Variants in TTLL6 observed in about 807,000 individuals in gnomAD.
TTLL6 encodes tubulin polyglutamylase TTLL6.
A neutral mutation model predicts 96.4 loss-of-function variants in TTLL6; 75 were observed. The observed-to-expected ratio is 0.78, with a 90% CI of 0.65 to 0.94. TTLL6 has a LOEUF of 0.94. TTLL6 is among the 40% of genes least tolerant of loss of function. TTLL6 has a pLI of 0.00. For synonymous variants in TTLL6, 411 were observed against 419.4 expected (o/e 0.98, Z 0.24); for missense variants, 1,030 against 1,093.0 (o/e 0.94, Z 0.81).
At chr17:48,784,766 G>C (rs977889459) in intron 13 of TTLL6, among the ~76,000 whole-genome samples, 157 bp downstream of exon 13, 2 of 152,178 alleles carry the variant, frequency 1.3e-5, no homozygotes, top group African/African-American at 4.8e-5. Context: ...CCTCCCAGCA[G>C]CTATGCCATT....
Position 48,817,031 on chromosome 17 carries a change from T to G in TTLL6, c.42A>C (p.Ala14=). 6.5e-7 allele frequency: 1 copy of G among 1,544,546 alleles called. No homozygotes were observed. Among genetic ancestry groups the G allele is most frequent in the Non-Finnish European group, 8.7e-7 (1 of 1,145,826 alleles). ...LLLHPSRRGP[A]GVVASWTSSP... is the part of the protein sequence containing the mutation. ...TGCTAGTCCAGCTTGCAACCACACC[T>G]GCCGGCCCCCTCCTCGAAGGATGAA... is the stretch of plus-strand genomic sequence containing the variant. Residue 14 remains alanine (A), a synonymous_variant, in exon 1 of 16, where the codon GCA becomes GCC. Transcript: ENST00000393382.
intron 1 of TTLL6, chr17:48,815,265 A>T (rs976799886): frequency 1.3e-5 from 2 of 152,120 alleles, no homozygotes; most frequent in African/African-American, 4.8e-5. Context: ...GAGCACTGAA[A>T]GTTTCGCCTA....
At chr17:48,810,787 A>G (rs201375950) in intron 1 of TTLL6, among the ~76,000 whole-genome samples, 2,891 of 91,072 alleles carry the variant, frequency 0.032, 138 homozygotes, top group African/African-American at 0.054. Context: ...GTGTGTATAT[A>G]TATATAGTAC....
At chr17:48,813,451 C>G (rs1021425877) in intron 1 of TTLL6, among the ~76,000 whole-genome samples, 1 of 152,024 alleles carries the variant, frequency 6.6e-6, no homozygotes, top group African/African-American at 2.4e-5. Context: ...CCCAGCTACT[C>G]AGGAGGCTGA....
At chr17:48,782,551 CA>C (rs1363833223) in intron 13 of TTLL6, among the ~76,000 whole-genome samples, 1 of 152,194 alleles carries the variant, frequency 6.6e-6, no homozygotes, top group Non-Finnish European at 1.5e-5. Context: ...GACATGGTCT[CA>C]TTTGTCTATT....
At chr17:48,795,453 A>T (rs754700644) in intron 8 of TTLL6, among the ~76,000 whole-genome samples, 2 of 152,022 alleles carry the variant, frequency 1.3e-5, no homozygotes, top group Admixed American at 6.6e-5. Context: ...TTCCTCCTTC[A>T]CCTGGTCAAG....
At chr17:48,789,686 C>T (rs1246887044) in intron 10 of TTLL6, among the ~76,000 whole-genome samples, 1 of 152,094 alleles carries the variant, frequency 6.6e-6, no homozygotes, top group African/African-American at 2.4e-5. Context: ...TCCTGAGTAG[C>T]TGGGATTATA....
intron 12 of TTLL6, among the ~76,000 whole-genome samples, chr17:48,785,441 T>C (rs1268484056): frequency 1.3e-5 from 2 of 152,186 alleles, no homozygotes; most frequent in Non-Finnish European, 2.9e-5. Context: ...CATTGTGTAC[T>C]TTCTGGCAAG....
At chr17:48,790,588 T>C (rs562013677) in intron 9 of TTLL6, among the ~76,000 whole-genome samples, 1 of 152,320 alleles carries the variant, frequency 6.6e-6, no homozygotes, top group South Asian at 2.1e-4. Flanking sequence ...ATGTGACATT[T>C]GCAGATTTCT....
At chr17:48,795,068 CT>C (rs1178511503) in intron 8 of TTLL6, among the ~76,000 whole-genome samples, 2 of 152,194 alleles carry the variant, frequency 1.3e-5, no homozygotes, top group African/African-American at 4.8e-5. Flanking sequence ...TGGCTCACGC[CT>C]GTAATCCCAG....
At chr17:48,770,141 G>C (rs1365976864) in intron 13 of TTLL6, 44 bp from the exon 14 acceptor site, 3 of 1,540,634 alleles carry the variant, frequency 1.9e-6, no homozygotes, top group East Asian at 2.3e-5. Context: ...GAAAGCAAAG[G>C]GTTCCTTCCT....
chr17:48,794,317 C>G, intron 8 of TTLL6: 1 of 1,607,876 alleles, frequency 6.2e-7, no homozygotes. Context: ...ATTCTGTGCC[C>G]TTAGACTAAG....
Position 48,797,181 on chromosome 17 carries a change from C to T in TTLL6, c.792G>A (p.Lys264=), listed in dbSNP as rs2039331886. 1.3e-6 allele frequency: 2 copies of T among 1,551,210 alleles called. No individual in the cohort carries two copies. The highest frequency in any genetic ancestry group is 1.7e-6 in the Non-Finnish European group (2 of 1,146,776). Residue 264 remains lysine, a synonymous_variant, in exon 7 of 16, where the codon AAG becomes AAA. Coordinates refer to ENST00000393382, the MANE Select transcript of TTLL6 (RefSeq NM_001130918.3). The part of the protein sequence containing the change: ...ISKPFIIDGF[K]FDLRIYVLVT... ...CCAGTACATAAATCCGTAGGTCAAACTTAAACCCATCAATGATAAAGGGCT... is the reference window on the plus strand; with the variant it reads ...CCAGTACATAAATCCGTAGGTCAAATTTAAACCCATCAATGATAAAGGGCT...
At chr17:48,766,540 A>G (rs962462678) in intron 15 of TTLL6, among the ~76,000 whole-genome samples, 1 of 152,144 alleles carries the variant, frequency 6.6e-6, no homozygotes, top group South Asian at 2.1e-4. Flanking sequence ...ACAAGTTTTC[A>G]TTGTAATGTG....
intron 3 of TTLL6, among the ~76,000 whole-genome samples, chr17:48,801,888 T>C (rs2143444553): frequency 6.6e-6 from 1 of 151,372 alleles, no homozygotes; most frequent in Non-Finnish European, 1.5e-5. Flanking sequence ...CTACTAAAAA[T>C]ACAAAAAATT....
chr17:48,797,128 A>C lies in TTLL6; in HGVS notation c.845T>G (p.Phe282Cys). 2 of 1,551,652 alleles carry C rather than the reference A, an allele frequency of 1.3e-6. No individual in the cohort carries two copies. Among genetic ancestry groups the C allele is most frequent in the African/African-American group, 2.7e-5 (2 of 73,134 alleles). ...LVTSCDPLRI[F>C]VYNEGLARFA... ...GCGGGCCAGTCCTTCATTGTACACA[A>C]AAATCCTGAGAGGGTCACAGGATGT... The change falls in exon 7 of 16, where the codon TTT becomes TGT. Residue 282 changes from phenylalanine (F) to cysteine (C), a missense_variant. Coordinates refer to ENST00000393382, the MANE Select transcript of TTLL6 (RefSeq NM_001130918.3).
chr17:48,815,468 CT>C (rs1256294805), intron 1 of TTLL6: 33 of 152,330 alleles, frequency 2.2e-4, no homozygotes, highest in African/African-American at 7.5e-4. Context: ...TTGCTTTCAG[CT>C]TTGCCCCTCC....
intron 8 of TTLL6, among the ~76,000 whole-genome samples, chr17:48,792,914 A>G (rs2039252876): frequency 6.6e-6 from 1 of 152,222 alleles, no homozygotes; most frequent in Non-Finnish European, 1.5e-5. Flanking sequence ...AACATATAAC[A>G]TAACCTTTTC....
At chr17:48,804,297 A>C in intron 2 of TTLL6, 2 of 493,292 alleles carry the variant, frequency 4.1e-6, no homozygotes, top group East Asian at 5.9e-5. Context: ...TCCCCCCATT[A>C]AGGGAAGCTA....
Sources: gnomAD v4.1 joint callset for allele counts (sites outside exome capture counted in the v4.1 genomes callset) on GRCh38, gnomAD v4.1.1 for gene constraint, MANE v1.5 for transcripts, NCBI Gene and HGNC (gene_info 2026-07-23, HGNC 2026-07-21) for gene names.